Variants in KIAA0825 observed in about 807,000 individuals in gnomAD.
KIAA0825 encodes uncharacterized protein KIAA0825.
A neutral mutation model predicts 147.6 loss-of-function variants in KIAA0825; 119 were observed. That is an observed-to-expected ratio of 0.81 (90% CI 0.69 to 0.94). The LOEUF (loss-of-function observed/expected upper bound fraction) is 0.94, where lower values mean the gene tolerates loss of function less well. Ranked by LOEUF, KIAA0825 falls within the 40% of genes least tolerant of loss-of-function variation. KIAA0825 has a pLI of 0.00. For synonymous variants in KIAA0825, 470 were observed against 518.1 expected, an observed-to-expected ratio of 0.91 and a Z score of 1.26; for missense variants, 1,381 against 1,472.7, an observed-to-expected ratio of 0.94 and a Z score of 1.02.
At chr5:94,366,644 A>C (rs1268697250) in intron 20 of KIAA0825, among the ~76,000 whole-genome samples, 1 of 152,176 alleles carries the variant, frequency 6.6e-6, no homozygotes, top group Non-Finnish European at 1.5e-5. Context: ...GCTAAAGGTT[A>C]AGTTTTTCTT....
At chr5:94,460,486 G>T (rs1375006939) in intron 12 of KIAA0825, among the ~76,000 whole-genome samples, 1 of 152,080 alleles carries the variant, frequency 6.6e-6, no homozygotes, top group African/African-American at 2.4e-5. Flanking sequence ...TGAAATAAAG[G>T]CAGTCACCTT....
intron 5 of KIAA0825, among the ~76,000 whole-genome samples, chr5:94,494,372 G>A (rs1764111115): frequency 1.7e-5 from 2 of 120,492 alleles, no homozygotes; most frequent in Non-Finnish European, 3.2e-5. Flanking sequence ...TCTAACTACT[G>A]ATGTGGCCAG....
intron 2 of KIAA0825, among the ~76,000 whole-genome samples, chr5:94,563,669 G>C (rs1778001972): frequency 6.6e-6 from 1 of 152,002 alleles, no homozygotes; most frequent in South Asian, 2.1e-4. Flanking sequence ...ATTTCTGTGA[G>C]CATTGCCTTT....
At chr5:94,583,104 C>A (rs1419286715) in intron 1 of KIAA0825, among the ~76,000 whole-genome samples, 1 of 152,146 alleles carries the variant, frequency 6.6e-6, no homozygotes, top group Non-Finnish European at 1.5e-5. Context: ...CCAGCGAGAT[C>A]GACGCATAAG....
intron 1 of KIAA0825, among the ~76,000 whole-genome samples, chr5:94,599,075 C>T (rs1785840084): frequency 1.3e-5 from 2 of 152,028 alleles, no homozygotes; most frequent in African/African-American, 4.8e-5. Flanking sequence ...CATGATTGTA[C>T]TAACTTATAT....
intron 20 of KIAA0825, among the ~76,000 whole-genome samples, chr5:94,329,271 A>G (rs535360890): frequency 1.8e-4 from 27 of 152,256 alleles, no homozygotes; most frequent in African/African-American, 6.5e-4. Flanking sequence ...CAACATAAGC[A>G]TAATTGGTGT....
intron 18 of KIAA0825, among the ~76,000 whole-genome samples, chr5:94,389,722 T>C (rs1251777671): frequency 2.0e-5 from 3 of 152,196 alleles, no homozygotes; most frequent in African/African-American, 7.2e-5. Flanking sequence ...ACTTACAGCA[T>C]AGCAACACCT....
chr5:94,604,517 C>T (rs1787119294), intron 1 of KIAA0825, among the ~76,000 whole-genome samples: 1 of 152,106 alleles, frequency 6.6e-6, no homozygotes, highest in Non-Finnish European at 1.5e-5. Flanking sequence ...TGAGATTGCA[C>T]CACTGCACTC....
chr5:94,332,760 G>A (rs1278773941), intron 20 of KIAA0825, among the ~76,000 whole-genome samples: 1 of 152,084 alleles, frequency 6.6e-6, no homozygotes, highest in African/African-American at 2.4e-5. Flanking sequence ...TGGGATTGCT[G>A]GGTCAAATGA....
At chr5:94,447,183 A>G (rs375599043) in intron 13 of KIAA0825, among the ~76,000 whole-genome samples, 1 of 152,256 alleles carries the variant, frequency 6.6e-6, no homozygotes, top group East Asian at 1.9e-4. Flanking sequence ...GAAGGTAGTC[A>G]TGTATGGTTG....
At chr5:94,457,704 T>A (rs1483027341) in intron 12 of KIAA0825, among the ~76,000 whole-genome samples, 2 of 152,226 alleles carry the variant, frequency 1.3e-5, no homozygotes, top group Non-Finnish European at 2.9e-5. Context: ...TGAAAGGAGA[T>A]AAAAACCAAT....
intron 5 of KIAA0825, among the ~76,000 whole-genome samples, chr5:94,502,964 C>T (rs983686941): frequency 6.6e-6 from 1 of 151,756 alleles, no homozygotes; most frequent in South Asian, 2.1e-4. Flanking sequence ...CAAAAATTAG[C>T]TGGGCATGGT....
intron 13 of KIAA0825, among the ~76,000 whole-genome samples, chr5:94,450,708 A>T (rs1037318039): frequency 2.0e-5 from 3 of 152,214 alleles, no homozygotes; most frequent in Non-Finnish European, 4.4e-5. Context: ...TATTTCCAAC[A>T]GTGAATTTTG....
intron 20 of KIAA0825, among the ~76,000 whole-genome samples, chr5:94,211,680 A>G (rs1772722166): frequency 6.6e-6 from 1 of 151,984 alleles, no homozygotes; most frequent in Non-Finnish European, 1.5e-5. Context: ...CTTGAGTCCT[A>G]CCTGTAACTC....
chr5:94,583,528 G>A (rs903626828), intron 1 of KIAA0825, among the ~76,000 whole-genome samples: 2 of 152,188 alleles, frequency 1.3e-5, no homozygotes, highest in African/African-American at 2.4e-5. Flanking sequence ...CCAGAAGCTC[G>A]AACTGGGTAG....
At chr5:94,534,560 T>C (rs1771581874) in intron 3 of KIAA0825, among the ~76,000 whole-genome samples, 1 of 152,214 alleles carries the variant, frequency 6.6e-6, no homozygotes. Context: ...TAAAATATTT[T>C]TAATTTAAAA....
chr5:94,301,488 A>G (rs1298694122), intron 20 of KIAA0825, among the ~76,000 whole-genome samples: 1 of 152,122 alleles, frequency 6.6e-6, no homozygotes, highest in Non-Finnish European at 1.5e-5. Context: ...TCCTAGCAGT[A>G]TGGTAGATAT....
chr5:94,205,180 G>T (rs959074955), intron 20 of KIAA0825, among the ~76,000 whole-genome samples: 2 of 149,266 alleles, frequency 1.3e-5, no homozygotes, highest in Admixed American at 1.3e-4. Context: ...TTGGTAGTTG[G>T]TGTGTGTGTG....
intron 5 of KIAA0825, among the ~76,000 whole-genome samples, chr5:94,486,022 CT>C (rs1396679139): frequency 6.6e-6 from 1 of 151,786 alleles, no homozygotes; most frequent in Non-Finnish European, 1.5e-5. Context: ...TCCCTTTATA[CT>C]CTTTAAGAGT....
Sources: gnomAD v4.1 joint callset for allele counts (sites outside exome capture counted in the v4.1 genomes callset) on GRCh38, gnomAD v4.1.1 for gene constraint, MANE v1.5 for transcripts, NCBI Gene and HGNC (gene_info 2026-07-23, HGNC 2026-07-21) for gene names.